ZNF100: variants seen among roughly 807,000 people sequenced by gnomAD.
ZNF100 encodes zinc finger protein 100, also known as zinc finger protein 100 (Y1).
A neutral mutation model predicts 15.8 loss-of-function variants in ZNF100; 12 were observed. The observed-to-expected ratio is 0.76, with a 90% confidence interval of 0.49 to 1.23. The LOEUF is 1.23. ZNF100 is among the 50% of genes most tolerant of loss of function. ZNF100 has a pLI of 0.00. For synonymous variants in ZNF100, 226 were observed against 214.8 expected, an observed-to-expected ratio of 1.05 and a Z score of -0.45; for missense variants, 670 against 635.6, an observed-to-expected ratio of 1.05 and a Z score of -0.58.
chr19:21,765,714 C>G lies in ZNF100; in HGVS notation c.76G>C (p.Val26Leu), dbSNP rs2036546926. The stretch of plus-strand genomic sequence containing the variant: ...GTTACCTTTTCAAAATAAGACTGCA[C>G]CAGAAGACTCCTCTCAGCCCCAGGG... ...GCPGAERSLLVQSYFEKGPLT... is the reference protein window; with the variant it reads ...GCPGAERSLLLQSYFEKGPLT... Residue 26 changes from valine to leucine, a missense_variant, in exon 2 of 5, where the codon GTG becomes CTG. Val to Leu is a conservative substitution (Grantham distance 32, BLOSUM62 1). Coordinates refer to ENST00000358296, the MANE Select transcript of ZNF100 (RefSeq NM_173531.4). The G allele has an allele frequency of 1.2e-6, 2 of 1,614,090 alleles. No individual in the cohort carries two copies. Among genetic ancestry groups the G allele is most frequent in the Non-Finnish European group, 1.7e-6 (2 of 1,180,016 alleles).
chr19:21,766,834 A>T (rs887713429), intron 1 of ZNF100, among the ~76,000 whole-genome samples: 24 of 152,076 alleles, frequency 1.6e-4, no homozygotes, highest in African/African-American at 5.3e-4. Flanking sequence ...CCAACTAAAA[A>T]TACAAAAAAA....
At position 21,723,973 on chromosome 19, in the gene ZNF100, A is replaced by T. The variant is rs2035727280; in HGVS notation, c.*2710T>A. ...ATACACTAATTGTGGAATTACATTT[A>T]AAAATTTTGTATGCACTAAATTTTG... On this transcript the variant is annotated 3_prime_UTR_variant, in exon 5 of 5. Transcript: ENST00000358296. 6.6e-6 allele frequency: 1 copy of T among 152,228 alleles called. No homozygotes were observed. Among genetic ancestry groups the T allele is most frequent in the African/African-American group, 2.4e-5 (1 of 41,462 alleles). 9.4% of individuals were successfully genotyped at this position (152,228 alleles called of 1,614,324 possible). A position where few individuals can be genotyped will look rare whatever the true frequency, so the allele number is the denominator to read the frequency against.
intron 2 of ZNF100, among the ~76,000 whole-genome samples, chr19:21,747,245 C>T (rs1445015988): frequency 6.6e-6 from 1 of 152,104 alleles, no homozygotes. Flanking sequence ...TATCTTGAAG[C>T]CCTCATACTT....
intron 4 of ZNF100, among the ~76,000 whole-genome samples, chr19:21,735,319 C>A (rs1277534003): frequency 6.6e-6 from 1 of 151,870 alleles, no homozygotes; most frequent in African/African-American, 2.4e-5. Context: ...ACGGTGAAAC[C>A]CCGTCTCTAC....
At chr19:21,729,336 C>T (rs1344901543) in intron 4 of ZNF100, among the ~76,000 whole-genome samples, 1 of 150,260 alleles carries the variant, frequency 6.7e-6, no homozygotes, top group Non-Finnish European at 1.5e-5. Flanking sequence ...TCCATAAACC[C>T]TACATACAAA....
intron 2 of ZNF100, among the ~76,000 whole-genome samples, 180 bp downstream of exon 2, chr19:21,765,514 T>C (rs561222129): frequency 6.6e-5 from 10 of 152,330 alleles, no homozygotes; most frequent in Admixed American, 2.0e-4. Flanking sequence ...CACTTTTTTT[T>C]CCAATATTTT....
intron 4 of ZNF100, among the ~76,000 whole-genome samples, chr19:21,737,053 CCAT>C (rs1370303888): frequency 6.7e-6 from 1 of 150,318 alleles, no homozygotes; most frequent in Non-Finnish European, 1.5e-5. Flanking sequence ...CAGAGTGGAA[CCAT>C]AGGAGATAGA....
chr19:21,757,587 G>A (rs969592489), intron 2 of ZNF100, among the ~76,000 whole-genome samples: 4 of 152,106 alleles, frequency 2.6e-5, no homozygotes, highest in Non-Finnish European at 5.9e-5. Context: ...AATTACCATC[G>A]GACCCAGCAA....
rs1226806598 is a variant in ZNF100, at chr19:21,725,869, CAG to C, written c.*812_*813del. ...TCTACTGTAAATTCTCTGATATTTA[CAG>C]ACTTAATGATTAAAATTTTTAAAAA... On this transcript the variant is annotated 3_prime_UTR_variant, in exon 5 of 5. Transcript: ENST00000358296. 2 of 140,538 alleles carry C rather than the reference CAG, an allele frequency of 1.4e-5. No homozygotes were observed. Among genetic ancestry groups the C allele is most frequent in the Non-Finnish European group, 3.0e-5 (2 of 66,348 alleles). 8.7% of individuals were successfully genotyped at this position (140,538 alleles called of 1,614,324 possible).
chr19:21,762,004 G>T (rs2036491418), intron 2 of ZNF100, among the ~76,000 whole-genome samples: 1 of 152,090 alleles, frequency 6.6e-6, no homozygotes, highest in African/African-American at 2.4e-5. Flanking sequence ...ATCACTTGAG[G>T]TTAAGAGTTA....
chr19:21,742,657 A>G (rs1417834348), intron 4 of ZNF100, among the ~76,000 whole-genome samples: 1 of 152,096 alleles, frequency 6.6e-6, no homozygotes, highest in East Asian at 1.9e-4. Flanking sequence ...AACATTTTTA[A>G]AAAGCCACTG....
intron 2 of ZNF100, among the ~76,000 whole-genome samples, chr19:21,762,123 A>G (rs1003355266): frequency 1.2e-4 from 19 of 152,194 alleles, no homozygotes; most frequent in Admixed American, 2.6e-4. Flanking sequence ...GGTTGCAGTA[A>G]GCCAAGATCA....
Position 21,727,526 on chromosome 19 carries a change from T to C in ZNF100, c.786A>G (p.Lys262=). 1 of 1,613,816 alleles carries C rather than the reference T, an allele frequency of 6.2e-7. No individual in the cohort carries two copies. Among genetic ancestry groups the C allele is most frequent in the East Asian group, 2.2e-5 (1 of 44,866 alleles). The change falls in exon 5 of 5, where the codon AAA becomes AAG. Residue 262 remains lysine, a synonymous_variant. Coordinates refer to ENST00000358296, the MANE Select transcript of ZNF100 (RefSeq NM_173531.4). ...RRIHTGEKPY[K]CEECGKAFNR... is the part of the protein sequence containing the mutation. ...TAAATGCTTTCCCACATTCTTCACA[T>C]TTGTAGGGTTTCTCTCCAGTATGAA... is the stretch of plus-strand genomic sequence containing the variant.
Position 21,727,321 on chromosome 19 carries a change from G to C in ZNF100, c.991C>G (p.His331Asp), listed in dbSNP as rs773047950. 1.1e-5 allele frequency: 18 copies of C among 1,610,756 alleles called. No individual in the cohort carries two copies. The highest frequency in any genetic ancestry group is 1.4e-5 in the Non-Finnish European group (17 of 1,178,754). ...ECGKAFNRSS[H>D]LTTHRIIHTG... ...TGAATTATCCTGTGTGTAGTAAGGT[G>C]TGAGGACCGGTTAAAAGCTTTGCCA... The change falls in exon 5 of 5, where the codon CAC (histidine) becomes GAC (aspartate). Residue 331 changes from histidine to aspartate, a missense_variant. By Grantham distance (81) the His-to-Asp change is moderately conservative (BLOSUM62 -1). Coordinates refer to ENST00000358296, the MANE Select transcript of ZNF100 (RefSeq NM_173531.4).
At chr19:21,738,272 A>C in intron 4 of ZNF100, among the ~76,000 whole-genome samples, 1 of 146,190 alleles carries the variant, frequency 6.8e-6, no homozygotes, top group South Asian at 2.1e-4. Context: ...AAAAAAAAAA[A>C]AAAAAAAAAA....
intron 4 of ZNF100, among the ~76,000 whole-genome samples, chr19:21,731,204 CTT>C (rs1187451425): frequency 6.6e-6 from 1 of 151,884 alleles, no homozygotes; most frequent in Non-Finnish European, 1.5e-5. Flanking sequence ...TCTATAGAAA[CTT>C]TCACATATAT....
Position 21,724,401 on chromosome 19 carries a change from G to GCA in ZNF100, c.*2280_*2281dup, listed in dbSNP as rs1170950894. 4.6e-5 allele frequency: 7 copies of GCA among 152,046 alleles called. No homozygotes were observed. In the East Asian group the frequency reaches 1.3e-3, roughly 29 times the overall value. The allele number at this position is 152,046 out of a possible 1,614,324, so 9.4% of individuals were successfully genotyped here. A position where few individuals can be genotyped will look rare whatever the true frequency, so the allele number is the denominator to read the frequency against. On this transcript the variant is annotated 3_prime_UTR_variant, in exon 5 of 5. Transcript: ENST00000358296. Reference sequence around the variant, plus strand: ...ATATGTAAATCAAAACTAAATGTCTGCATGTGTTTGCAGGCAGACAGGAAA... The same window carrying GCA: ...ATATGTAAATCAAAACTAAATGTCTGCACATGTGTTTGCAGGCAGACAGGAAA...
intron 2 of ZNF100, among the ~76,000 whole-genome samples, chr19:21,758,930 T>C (rs552681469): frequency 3.3e-5 from 5 of 152,020 alleles, no homozygotes; most frequent in Admixed American, 6.5e-5. Context: ...ACACCAAGAG[T>C]TCCATTCCAG....
In ZNF100 at chr19:21,727,072, A is replaced by C; in HGVS notation, c.1240T>G (p.Ser414Ala). 1 of 1,613,626 alleles carries C rather than the reference A, an allele frequency of 6.2e-7. No individual in the cohort carries two copies. Among genetic ancestry groups the C allele is most frequent in the Non-Finnish European group, 8.5e-7 (1 of 1,179,846 alleles). Reference protein sequence around the residue: ...EECGKGFNWSSALTKHKRIHT... With the variant: ...EECGKGFNWSAALTKHKRIHT... The stretch of plus-strand genomic sequence containing the variant: ...ATTCTCTTATGTTTAGTGAGGGCTG[A>C]GGACCAGTTAAAGCCTTTGCCGCAT... Residue 414 changes from serine to alanine, a missense_variant, in exon 5 of 5, where the codon TCA becomes GCA. Physicochemically the swap from Ser to Ala is moderately conservative, Grantham distance 99. Coordinates refer to ENST00000358296, the MANE Select transcript of ZNF100 (RefSeq NM_173531.4).
Sources: gnomAD v4.1 joint callset for allele counts (sites outside exome capture counted in the v4.1 genomes callset) on GRCh38, gnomAD v4.1.1 for gene constraint, MANE v1.5 for transcripts, NCBI Gene and HGNC (gene_info 2026-07-23, HGNC 2026-07-21) for gene names.